The following NSMCE2 variants were observed in gnomAD, a reference collection of about 807,000 sequenced individuals.
The protein encoded by NSMCE2 is E3 SUMO-protein ligase NSE2.
NSMCE2 carries 24 observed loss-of-function variants against 23.8 expected under a neutral mutation model. That is an observed-to-expected ratio of 1.01 (90% CI 0.73 to 1.42). The LOEUF is 1.42. Ranked by LOEUF, NSMCE2 falls within the 40% of genes most tolerant of loss-of-function variation. The pLI, the probability that NSMCE2 is intolerant of heterozygous loss-of-function variation, is 0.00. For missense variants in NSMCE2, 284 were observed against 296.5 expected, an observed-to-expected ratio of 0.96 and a Z score of 0.31; for synonymous variants, 92 against 94.1, an observed-to-expected ratio of 0.98 and a Z score of 0.13.
chr8:125,281,160 G>A (rs573432956), intron 5 of NSMCE2, among the ~76,000 whole-genome samples: 1 of 152,254 alleles, frequency 6.6e-6, no homozygotes, highest in East Asian at 1.9e-4. Context: ...ACATGAGAAA[G>A]TTATAGCTAG....
intron 5 of NSMCE2, among the ~76,000 whole-genome samples, chr8:125,216,621 C>G (rs185062233): frequency 1.4e-5 from 2 of 144,726 alleles, no homozygotes; most frequent in Admixed American, 1.4e-4. Flanking sequence ...GCAACAAGAG[C>G]GAGGCTGTGT....
Position 125,167,389 on chromosome 8 carries a change from C to T in NSMCE2, c.265-14714C>T, listed in dbSNP as rs186640720. Reference sequence around the variant, plus strand: ...TTAAAAGAATTGCAAAGTCAAGGCCCGGCATGGTGGTTTATGCCTGTAATC... The same window carrying T: ...TTAAAAGAATTGCAAAGTCAAGGCCTGGCATGGTGGTTTATGCCTGTAATC... On this transcript the variant is annotated intron_variant, in intron 4 of 7. Transcript: ENST00000287437. 3.1e-3 allele frequency among the ~76,000 whole-genome samples: 473 copies of T among 152,122 alleles called. 3 individuals carry two copies. Among genetic ancestry groups the T allele is most frequent in the African/African-American group, 0.011 (452 of 41,518 alleles).
intron 4 of NSMCE2, among the ~76,000 whole-genome samples, chr8:125,155,768 GAACACCAGTTTAGTTC>G (rs1774520128): frequency 6.6e-6 from 1 of 152,170 alleles, no homozygotes; most frequent in African/African-American, 2.4e-5. Context: ...TTTGGAGAGT[GAACACCAGTTTAGTTC>G]AGGGAATCCT....
rs559294744 is a variant in NSMCE2 at position 125,280,321 on chromosome 8, A to T, written c.419-76898A>T. On this transcript the variant is annotated intron_variant, in intron 5 of 7. Transcript: ENST00000287437. ...AAATACATCCTCAGAGAGAGATTCC[A>T]TAAATTCAGCAACTGAATTTGATTT... Among the ~76,000 whole-genome samples the T allele has an allele frequency of 1.1e-4, 17 of 152,352 alleles. No individual in the cohort carries two copies. The South Asian group carries it at 3.3e-3, about 30-fold the overall frequency.
chr8:125,161,489 G>A (rs889223443), intron 4 of NSMCE2, among the ~76,000 whole-genome samples: 1 of 152,086 alleles, frequency 6.6e-6, no homozygotes, highest in Non-Finnish European at 1.5e-5. Context: ...GATCAAGTCA[G>A]TATTACTTAA....
intron 5 of NSMCE2, among the ~76,000 whole-genome samples, chr8:125,341,880 C>G (rs1056250178): frequency 8.4e-6 from 1 of 118,648 alleles, no homozygotes; most frequent in Non-Finnish European, 1.6e-5. Context: ...GTGCAATGCA[C>G]TGAGGATCTA....
intron 5 of NSMCE2, among the ~76,000 whole-genome samples, chr8:125,300,244 C>G (rs1333135616): frequency 6.6e-6 from 1 of 151,750 alleles, no homozygotes; most frequent in Non-Finnish European, 1.5e-5. Context: ...TCATGGCTCA[C>G]TGCAGTCTTG....
At chr8:125,333,743 G>A (rs1219579293) in intron 5 of NSMCE2, among the ~76,000 whole-genome samples, 1 of 151,850 alleles carries the variant, frequency 6.6e-6, no homozygotes, top group African/African-American at 2.4e-5. Flanking sequence ...TCGATCTCCT[G>A]ACCTCGTGAT....
At chr8:125,185,315 T>C (rs1349986211) in intron 5 of NSMCE2, among the ~76,000 whole-genome samples, 3 of 151,550 alleles carry the variant, frequency 2.0e-5, no homozygotes, top group Admixed American at 6.6e-5. Flanking sequence ...TTTTTTTTTT[T>C]CTTTTTTTTG....
intron 5 of NSMCE2, among the ~76,000 whole-genome samples, chr8:125,317,438 C>T (rs1489106239): frequency 6.6e-6 from 1 of 152,108 alleles, no homozygotes; most frequent in Non-Finnish European, 1.5e-5. Context: ...CTCAATTGAT[C>T]CACCCGCCTT....
At position 125,103,069 on chromosome 8, in the gene NSMCE2, C is replaced by T. The variant is rs561744072; in HGVS notation, c.157+582C>T. On this transcript the variant is annotated intron_variant, in intron 3 of 7. Transcript: ENST00000287437. ...GATCACGAGGTCAGGAGTTTGAGAC[C>T]AGCCTGGCCAATATGGTGAAACCCC... Among the ~76,000 whole-genome samples the T allele has an allele frequency of 7.9e-5, 12 of 152,240 alleles. No homozygotes were observed. In the South Asian group the frequency reaches 2.3e-3, roughly 29 times the overall value.
rs557605724 is a variant in NSMCE2, at chr8:125,234,761, C to T, written c.418+52505C>T. On this transcript the variant is annotated intron_variant, in intron 5 of 7. Transcript: ENST00000287437. ...GTTATGCCCTTTCAATCATCTCTCTCAATGTAAACTTGGAGCTAGCTTTAG... is the reference window on the plus strand; with the variant it reads ...GTTATGCCCTTTCAATCATCTCTCTTAATGTAAACTTGGAGCTAGCTTTAG... Among the ~76,000 whole-genome samples, 15 of 152,288 alleles carry T rather than the reference C, an allele frequency of 9.8e-5. 1 individual carries two copies. In the South Asian group the frequency reaches 2.1e-3, roughly 21 times the overall value.
intron 5 of NSMCE2, among the ~76,000 whole-genome samples, chr8:125,302,340 T>G (rs1828598678): frequency 3.3e-5 from 5 of 152,180 alleles, no homozygotes; most frequent in Admixed American, 3.3e-4. Flanking sequence ...ATCAGAGGAA[T>G]CAGTCCTTGC....
intron 5 of NSMCE2, among the ~76,000 whole-genome samples, chr8:125,288,750 G>GT (rs1257029579): frequency 6.6e-6 from 1 of 151,892 alleles, no homozygotes; most frequent in Non-Finnish European, 1.5e-5. Context: ...TAGGCTAGGA[G>GT]TTTTTTTTAG....
chr8:125,099,849 G>C (rs1052891406), intron 1 of NSMCE2, among the ~76,000 whole-genome samples: 1 of 152,150 alleles, frequency 6.6e-6, no homozygotes, highest in African/African-American at 2.4e-5. Flanking sequence ...AGAGGGGTAA[G>C]TGGGAGGAAA....
chr8:125,158,821 G>T (rs1472012288), intron 4 of NSMCE2, among the ~76,000 whole-genome samples: 2 of 152,208 alleles, frequency 1.3e-5, no homozygotes, highest in East Asian at 3.8e-4. Flanking sequence ...GCAGAAGAGA[G>T]ATGGGGAAAT....
At chr8:125,188,227 T>G (rs76879212) in intron 5 of NSMCE2, among the ~76,000 whole-genome samples, 1 of 152,208 alleles carries the variant, frequency 6.6e-6, no homozygotes, top group Non-Finnish European at 1.5e-5. Flanking sequence ...TATTTTTAGT[T>G]GGTGGCTTTT....
At chr8:125,364,544 T>C (rs961023619) in intron 7 of NSMCE2, among the ~76,000 whole-genome samples, 2 of 152,192 alleles carry the variant, frequency 1.3e-5, no homozygotes, top group Admixed American at 6.5e-5. Context: ...GCAGGAACCA[T>C]GTATTTGTAT....
chr8:125,133,070 G>A (rs978306307), intron 3 of NSMCE2, among the ~76,000 whole-genome samples: 5 of 152,014 alleles, frequency 3.3e-5, no homozygotes, highest in African/African-American at 1.2e-4. Flanking sequence ...CTTTCATTCT[G>A]CTTCTATCTT....
Sources: allele counts gnomAD v4.1 joint callset (sites outside exome capture counted in the v4.1 genomes callset), GRCh38; gene constraint gnomAD v4.1.1; transcripts MANE v1.5; gene names NCBI Gene and HGNC (gene_info 2026-07-23, HGNC 2026-07-21).